NIPBL: variants seen among roughly 807,000 people sequenced by gnomAD.
NIPBL encodes nipped-B-like protein.
NIPBL carries 19 observed loss-of-function variants against 321.8 expected under a neutral mutation model. That is an observed-to-expected ratio of 0.06 (90% CI 0.04 to 0.09). The LOEUF (loss-of-function observed/expected upper bound fraction) is 0.09. Ranked by LOEUF, NIPBL falls within the 10% of genes least tolerant of loss-of-function variation. The pLI is 1.00. For synonymous variants in NIPBL, 1,106 were observed against 1,114.1 expected, an observed-to-expected ratio of 0.99 and a Z score of 0.14; for missense variants, 2,210 against 3,327.0, an observed-to-expected ratio of 0.66 and a Z score of 8.26.
chr5:36,914,158 A>G (rs1748270083), intron 1 of NIPBL, among the ~76,000 whole-genome samples: 1 of 152,240 alleles, frequency 6.6e-6, no homozygotes, highest in South Asian at 2.1e-4. Context: ...AATGACACCC[A>G]GGTCATTCAG....
At chr5:37,027,956 T>C (rs754040285) in intron 32 of NIPBL, among the ~76,000 whole-genome samples, 1 of 152,166 alleles carries the variant, frequency 6.6e-6, no homozygotes, top group Non-Finnish European at 1.5e-5. Context: ...TTCTGAATCA[T>C]TAACTAAAAT....
intron 1 of NIPBL, among the ~76,000 whole-genome samples, chr5:36,918,430 A>G (rs1266354683): frequency 6.6e-6 from 1 of 152,110 alleles, no homozygotes; most frequent in Non-Finnish European, 1.5e-5. Context: ...TTGGTCTGAG[A>G]TGATGGGGTT....
At chr5:36,895,565 T>G (rs1746669738) in intron 1 of NIPBL, among the ~76,000 whole-genome samples, 1 of 152,216 alleles carries the variant, frequency 6.6e-6, no homozygotes, top group African/African-American at 2.4e-5. Flanking sequence ...GTGCATGATT[T>G]TACATTTGTA....
chr5:36,964,728 CA>C (rs1742017150), intron 6 of NIPBL, among the ~76,000 whole-genome samples: 1 of 152,032 alleles, frequency 6.6e-6, no homozygotes, highest in African/African-American at 2.4e-5. Context: ...AAACAATCAA[CA>C]AAATGAAGAG....
intron 1 of NIPBL, among the ~76,000 whole-genome samples, chr5:36,926,763 G>A (rs1412409596): frequency 6.6e-6 from 1 of 152,064 alleles, no homozygotes; most frequent in African/African-American, 2.4e-5. Flanking sequence ...TATTTATGGG[G>A]TATGTGAGAT....
At chr5:36,952,053 T>TGAGCGCGC (rs778597604) in intron 1 of NIPBL, among the ~76,000 whole-genome samples, 1 of 112,114 alleles carries the variant, frequency 8.9e-6, no homozygotes, top group African/African-American at 3.1e-5. Context: ...TGTGTGTGTG[T>TGAGCGCGC]GCGCGCGCGC....
chr5:36,895,176 G>A (rs1283655462), intron 1 of NIPBL, among the ~76,000 whole-genome samples: 5 of 152,052 alleles, frequency 3.3e-5, no homozygotes, highest in Non-Finnish European at 7.4e-5. Flanking sequence ...TCAGTCCTTG[G>A]CAACCATTAA....
chr5:37,033,703 CACATAT>C (rs1354914951), intron 32 of NIPBL, among the ~76,000 whole-genome samples: 2 of 59,302 alleles, frequency 3.4e-5, no homozygotes, highest in Non-Finnish European at 6.2e-5. Context: ...CACACACACA[CACATAT>C]ATATATATAT....
chr5:36,983,350 G>T (rs1199470549), intron 9 of NIPBL, among the ~76,000 whole-genome samples: 1 of 151,778 alleles, frequency 6.6e-6, no homozygotes, highest in African/African-American at 2.4e-5. Context: ...GGTTATATTT[G>T]ATTAGATTTT....
Position 36,995,641 on chromosome 5 carries a change from G to A in NIPBL, c.3141G>A (p.Val1047=), listed in dbSNP as rs368762999. The A allele has an allele frequency of 6.2e-7, 1 of 1,612,150 alleles. No homozygotes were observed. The highest frequency in any genetic ancestry group is 8.5e-7 in the Non-Finnish European group (1 of 1,178,560). ...KSNKGSIDQS[V]LKELPPELLA... ...TAATAGGTAGTATAGATCAATCAGT[G>A]TTAAAAGAATTACCCCCTGAACTCC... The change falls in exon 11 of 47, where the codon GTG becomes GTA. Residue 1047 remains valine, a synonymous_variant. Coordinates refer to ENST00000282516, the MANE Select transcript of NIPBL (RefSeq NM_133433.4).
In NIPBL at chr5:37,063,780, T is replaced by C. The variant is rs1416832673; in HGVS notation, c.7861-10T>C. The C allele has an allele frequency of 6.2e-7, 1 of 1,608,884 alleles. No homozygotes were observed. The highest frequency in any genetic ancestry group is 8.5e-7 in the Non-Finnish European group (1 of 1,177,050). ...ACTTAAAATTCTGAAATAATATCTG[T>C]TTTTTGTAGTTCAAACTTCTCATGG... is the stretch of plus-strand genomic sequence containing the variant. On this transcript the variant is annotated splice_polypyrimidine_tract_variant and intron_variant, in intron 45 of 46. Coordinates refer to ENST00000282516, the MANE Select transcript of NIPBL (RefSeq NM_133433.4).
At chr5:36,904,359 C>T (rs1449256763) in intron 1 of NIPBL, among the ~76,000 whole-genome samples, 2 of 152,134 alleles carry the variant, frequency 1.3e-5, no homozygotes, top group Non-Finnish European at 2.9e-5. Context: ...AATCCCACTA[C>T]TTGGGAGGCT....
chr5:36,987,680 A>C (rs956096902), intron 10 of NIPBL, among the ~76,000 whole-genome samples: 8 of 152,184 alleles, frequency 5.3e-5, no homozygotes, highest in African/African-American at 1.7e-4. Flanking sequence ...AATAATGAAA[A>C]AAGATTGCCT....
chr5:36,885,539 C>T (rs1162566599), intron 1 of NIPBL: 9 of 523,660 alleles, frequency 1.7e-5, no homozygotes, highest in South Asian at 2.8e-5. Context: ...GAGCAACACC[C>T]GGGAGCACCT....
chr5:36,984,596 A>ATTT, intron 9 of NIPBL, 80 bp from the exon 10 acceptor site: 22 of 1,304,708 alleles, frequency 1.7e-5, no homozygotes, highest in Non-Finnish European at 2.3e-5. Flanking sequence ...CCTTAAAAAG[A>ATTT]TAAACAACGT....
intron 17 of NIPBL, 64 bp downstream of exon 17, chr5:37,006,652 C>T: frequency 1.0e-6 from 1 of 992,840 alleles, no homozygotes; most frequent in Non-Finnish European, 1.5e-6. Flanking sequence ...CAAAATAGGA[C>T]TTAAAATGGC....
At chr5:36,893,907 T>A (rs1032511827) in intron 1 of NIPBL, among the ~76,000 whole-genome samples, 3 of 152,054 alleles carry the variant, frequency 2.0e-5, no homozygotes, top group Non-Finnish European at 4.4e-5. Context: ...GTAGAAAAAA[T>A]TCAGTACAGC....
intron 6 of NIPBL, among the ~76,000 whole-genome samples, chr5:36,970,134 A>G (rs1742690820): frequency 6.6e-6 from 1 of 152,106 alleles, no homozygotes. Context: ...TCTACCTGTA[A>G]TCCCAGTGCT....
In NIPBL at chr5:37,065,733, A is replaced by G. The variant is rs978976455; in HGVS notation, c.*841A>G. On this transcript the variant is annotated 3_prime_UTR_variant, in exon 47 of 47. Transcript: ENST00000282516. ...CTCCAGGGTTTTATTGTATCCTGCA[A>G]TATTTAGTATTAACTATATATGATT... 6 of 152,648 alleles carry G rather than the reference A, an allele frequency of 3.9e-5. No homozygotes were observed. Among genetic ancestry groups the G allele is most frequent in the African/African-American group, 1.2e-4 (5 of 41,452 alleles). The allele number at this position is 152,648 out of a possible 1,614,324, so 9.5% of individuals were successfully genotyped here.
Sources: gnomAD v4.1 joint callset for allele counts (sites outside exome capture counted in the v4.1 genomes callset) on GRCh38, gnomAD v4.1.1 for gene constraint, MANE v1.5 for transcripts, NCBI Gene and HGNC (gene_info 2026-07-23, HGNC 2026-07-21) for gene names.